NELFA: variants seen among roughly 807,000 people sequenced by gnomAD.
NELFA encodes the protein negative elongation factor A.
In NELFA, 35 loss-of-function variants were observed where a neutral mutation model predicts 51.8. The observed-to-expected ratio is 0.68, with a 90% CI of 0.52 to 0.90. NELFA has a LOEUF of 0.90. NELFA is among the 40% of genes least tolerant of loss of function. The probability of loss-of-function intolerance (pLI) is 0.00; values close to 1 mark genes in which losing one functional copy is unlikely to be tolerated. For missense variants in NELFA, 658 were observed against 746.4 expected, an observed-to-expected ratio of 0.88 and a Z score of 1.38; for synonymous variants, 417 against 338.4, an observed-to-expected ratio of 1.23 and a Z score of -2.55.
rs377133609 is a variant in NELFA, at chr4:1,983,448, C to T, written c.1458G>A (p.Thr486=). Residue 486 remains threonine (T), a synonymous_variant, in exon 11 of 11, where the codon ACG becomes ACA. Coordinates refer to ENST00000382882, the MANE Select transcript of NELFA (RefSeq NM_005663.5). ...DVIQIKLSEH[T]EDLPKADGQG... is the part of the protein sequence containing the mutation. The stretch of plus-strand genomic sequence containing the variant: ...GGCCGTCCGCCTTGGGCAGGTCCTC[C>T]GTGTGCTCGCTCAGCTTGATCTGGA... The T allele has an allele frequency of 5.9e-5, 96 of 1,614,074 alleles. No homozygotes were observed. The highest frequency in any genetic ancestry group is 7.0e-5 in the Non-Finnish European group (83 of 1,180,048).
intron 7 of NELFA, 106 bp downstream of exon 7, chr4:1,985,670 G>C: frequency 1.2e-6 from 1 of 819,000 alleles, no homozygotes; most frequent in East Asian, 2.6e-5. Context: ...GCACACATAT[G>C]TACATACATA....
chr4:1,998,059 G>A (rs1728478737), intron 1 of NELFA, among the ~76,000 whole-genome samples: 3 of 151,824 alleles, frequency 2.0e-5, no homozygotes, highest in African/African-American at 4.8e-5. Flanking sequence ...ACATGACTAC[G>A]GCAAGGAAAA....
At chr4:1,997,676 T>C (rs773863707) in intron 1 of NELFA, among the ~76,000 whole-genome samples, 8 of 152,250 alleles carry the variant, frequency 5.3e-5, no homozygotes, top group East Asian at 3.8e-4. Flanking sequence ...GTAGCCACTA[T>C]GGAAAATAGT....
intron 7 of NELFA, 67 bp downstream of exon 7, chr4:1,985,708 TG>T: frequency 8.1e-7 from 1 of 1,240,766 alleles, no homozygotes; most frequent in Non-Finnish European, 1.2e-6. Context: ...AGCACACTAG[TG>T]GCCACAATCG....
At position 2,008,778 on chromosome 4, in the gene NELFA, A is replaced by G; in HGVS notation, c.182T>C (p.Leu61Pro). The change falls in exon 1 of 11, where the codon CTG (leucine) becomes CCG (proline). Residue 61 changes from leucine to proline, a missense_variant. Around this residue, in one of 3 missense-constraint regions of NELFA, gnomAD observed 371 missense variants for 448.3 expected, o/e 0.83. Transcript: ENST00000382882. ...AVKLKLLLGTLHLPRRTVDEM... is the reference protein window; with the variant it reads ...AVKLKLLLGTPHLPRRTVDEM... ...GTCCACCGTGCGGCGCGGGAGGTGC[A>G]GCGTCCCGAGTAGCAACTTGAGCTT... 6.2e-7 allele frequency: 1 copy of G among 1,611,702 alleles called. No individual in the cohort carries two copies. Among genetic ancestry groups the G allele is most frequent in the Non-Finnish European group, 8.5e-7 (1 of 1,179,178 alleles).
rs1325336074 is a variant in NELFA at position 1,989,733 on chromosome 4, C to T, written c.519G>A (p.Thr173=). The T allele has an allele frequency of 2.5e-6, 4 of 1,613,920 alleles. No individual in the cohort carries two copies. Among genetic ancestry groups the T allele is most frequent in the East Asian group, 4.5e-5 (2 of 44,902 alleles). ...ACTTCTGCAGCAGCTCCGCCCGCAG[C>T]GTGGCGCTCTTGGGTTTCCGCTTTA... ...FQLKRKPKSA[T]LRAELLQKST... Residue 173 remains threonine (T), a synonymous_variant, in exon 3 of 11, where the codon ACG becomes ACA. Transcript: ENST00000382882. The surrounding 1 kb of genome is among the most constrained non-coding windows in gnomAD (Gnocchi z 4.8).
chr4:2,007,146 G>A, intron 1 of NELFA: 2 of 433,592 alleles, frequency 4.6e-6, no homozygotes, highest in Non-Finnish European at 9.4e-6. Context: ...GGTCAAGGCT[G>A]CAGTGAGTCA....
chr4:1,999,713 T>G (rs1166913616), intron 1 of NELFA, among the ~76,000 whole-genome samples: 1 of 152,134 alleles, frequency 6.6e-6, no homozygotes, highest in African/African-American at 2.4e-5. Flanking sequence ...CACCCCACTG[T>G]CAATATTAGA....
chr4:2,001,138 G>T (rs1466173844), intron 1 of NELFA, among the ~76,000 whole-genome samples: 1 of 152,156 alleles, frequency 6.6e-6, no homozygotes, highest in African/African-American at 2.4e-5. Context: ...TTAATGGAAC[G>T]TATCTCAAAA....
At chr4:2,002,014 C>A (rs566393359) in intron 1 of NELFA, among the ~76,000 whole-genome samples, 1 of 151,710 alleles carries the variant, frequency 6.6e-6, no homozygotes, top group South Asian at 2.1e-4. Flanking sequence ...TCCTGGCTAA[C>A]ACGGTGAAAC....
intron 10 of NELFA, 39 bp downstream of exon 10, chr4:1,983,557 C>T (rs781602789): frequency 1.6e-5 from 26 of 1,611,874 alleles, no homozygotes; most frequent in South Asian, 2.2e-5. Flanking sequence ...GCCCCCAACC[C>T]GGCCCGGTGC....
At chr4:1,998,999 A>G (rs909261600) in intron 1 of NELFA, among the ~76,000 whole-genome samples, 6 of 152,222 alleles carry the variant, frequency 3.9e-5, no homozygotes, top group Non-Finnish European at 7.3e-5. Flanking sequence ...AATATTCAAC[A>G]TTCTTAAAGA....
chr4:1,998,235 TCTC>T (rs944752862), intron 1 of NELFA, among the ~76,000 whole-genome samples: 32 of 152,068 alleles, frequency 2.1e-4, no homozygotes, highest in African/African-American at 7.7e-4. Flanking sequence ...GAGTGCCTCT[TCTC>T]CTCCAAATGA....
At chr4:2,006,898 C>T (rs1180394704) in intron 1 of NELFA, 1 of 152,466 alleles carries the variant, frequency 6.6e-6, no homozygotes, top group African/African-American at 2.4e-5. Flanking sequence ...AAAAGACACT[C>T]TTACAAAACA....
chr4:2,000,603 A>T (rs554935804), intron 1 of NELFA, among the ~76,000 whole-genome samples: 9 of 152,222 alleles, frequency 5.9e-5, no homozygotes, highest in Non-Finnish European at 1.2e-4. Flanking sequence ...TAAACCAGGA[A>T]GAAGTCGAAT....
intron 1 of NELFA, among the ~76,000 whole-genome samples, chr4:2,008,448 C>A (rs952537437): frequency 9.9e-5 from 13 of 131,086 alleles, no homozygotes; most frequent in Non-Finnish European, 1.8e-4. Flanking sequence ...GGTGAGGACC[C>A]TAGTGGGGGA....
intron 1 of NELFA, among the ~76,000 whole-genome samples, chr4:2,002,163 G>A (rs1362946315): frequency 2.6e-5 from 4 of 152,094 alleles, no homozygotes; most frequent in East Asian, 3.9e-4. Flanking sequence ...TCGCGCCACT[G>A]CACTCCAGCC....
chr4:2,005,254 T>G (rs1728680232), intron 1 of NELFA, among the ~76,000 whole-genome samples: 1 of 152,022 alleles, frequency 6.6e-6, no homozygotes. Context: ...GAGTTCTCCC[T>G]GTGTGATCGG....
Position 1,983,414 on chromosome 4 carries a change from T to C in NELFA, c.1492A>G (p.Thr498Ala), listed in dbSNP as rs1404951816. 3.1e-6 allele frequency: 5 copies of C among 1,614,226 alleles called. No individual in the cohort carries two copies. Among genetic ancestry groups the C allele is most frequent in the Admixed American group, 1.7e-5 (1 of 60,032 alleles). Residue 498 changes from threonine (T) to alanine (A), a missense_variant, in exon 11 of 11, where the codon ACA becomes GCA. By Grantham distance (58) the Thr-to-Ala change is moderately conservative. Coordinates refer to ENST00000382882, the MANE Select transcript of NELFA (RefSeq NM_005663.5). ...DLPKADGQGS[T>A]TMLVDTVFEM... ...AACACTGTGTCCACCAGCATGGTTG[T>C]GCTACCCTGGCCGTCCGCCTTGGGC...
Sources: allele counts gnomAD v4.1 joint callset (sites outside exome capture counted in the v4.1 genomes callset), GRCh38; gene constraint gnomAD v4.1.1; regional missense constraint gnomAD v4.1.1; non-coding constraint Gnocchi (gnomAD v3.1); transcripts MANE v1.5; gene names NCBI Gene and HGNC (gene_info 2026-07-23, HGNC 2026-07-21).